DNMT1: variants seen among roughly 807,000 people sequenced by gnomAD.
DNMT1 encodes DNA (cytosine-5)-methyltransferase 1.
DNMT1 carries 24 observed loss-of-function variants against 205.3 expected under a neutral mutation model. That is an observed-to-expected ratio of 0.12 (90% CI 0.08 to 0.16). The LOEUF (loss-of-function observed/expected upper bound fraction) is 0.16. Ranked by LOEUF, DNMT1 falls within the 10% of genes least tolerant of loss-of-function variation. The pLI is 1.00. For missense variants in DNMT1, 1,293 were observed against 2,177.7 expected, an observed-to-expected ratio of 0.59 and a Z score of 8.09; for synonymous variants, 817 against 839.8, an observed-to-expected ratio of 0.97 and a Z score of 0.47.
intron 29 of DNMT1, chr19:10,142,996 G>C (rs553455463): frequency 6.5e-6 from 1 of 153,564 alleles, no homozygotes; most frequent in Non-Finnish European, 1.4e-5. Flanking sequence ...AAGAGGTGAG[G>C]CAAGTGTATA....
intron 5 of DNMT1, among the ~76,000 whole-genome samples, chr19:10,178,841 A>T (rs940122619): frequency 6.6e-6 from 1 of 151,250 alleles, no homozygotes; most frequent in Non-Finnish European, 1.5e-5. Context: ...AAAATTCCAG[A>T]AGAGGCTGGG....
chr19:10,133,781 G>A lies in DNMT1; in HGVS notation c.4865-80C>T. 1.4e-6 allele frequency: 2 copies of A among 1,443,006 alleles called. No individual in the cohort carries two copies. The highest frequency in any genetic ancestry group is 1.9e-6 in the Non-Finnish European group (2 of 1,047,852). The allele number at this position is 1,443,006 out of a possible 1,614,324, so 89.4% of individuals were successfully genotyped here. On this transcript the variant is annotated intron_variant, in intron 40 of 40. Transcript: ENST00000359526. This position sits in a 1 kb window ranked among gnomAD's most constrained non-coding sequence, Gnocchi z 4.1. Reference sequence around the variant, plus strand: ...ACTTGACAGGCGAGTAACAGACATGGACCATCAGGAAACATTAACGTACTG... The same window carrying A: ...ACTTGACAGGCGAGTAACAGACATGAACCATCAGGAAACATTAACGTACTG...
chr19:10,177,602 A>T (rs1280769111), intron 5 of DNMT1, among the ~76,000 whole-genome samples: 1 of 152,156 alleles, frequency 6.6e-6, no homozygotes, highest in Non-Finnish European at 1.5e-5. Context: ...AATGCTAAAG[A>T]AGGCCAGGAA....
Position 10,137,333 on chromosome 19 carries a change from A to G in DNMT1, c.4294-53T>C. Reference sequence around the variant, plus strand: ...CACCTCATGTGAGCAGCATCCGAGCATCCATGGTGGGCTGGGAGCTGGGAA... The same window carrying G: ...CACCTCATGTGAGCAGCATCCGAGCGTCCATGGTGGGCTGGGAGCTGGGAA... On this transcript the variant is annotated intron_variant, in intron 36 of 40. Coordinates refer to ENST00000359526, the MANE Select transcript of DNMT1 (RefSeq NM_001130823.3). The surrounding 1 kb of genome is among the most constrained non-coding windows in gnomAD (Gnocchi z 6.4). The G allele has an allele frequency of 6.4e-7, 1 of 1,555,724 alleles. No homozygotes were observed. Among genetic ancestry groups the G allele is most frequent in the Non-Finnish European group, 8.7e-7 (1 of 1,151,360 alleles).
chr19:10,167,239 A>C, intron 10 of DNMT1, among the ~76,000 whole-genome samples: 1 of 149,156 alleles, frequency 6.7e-6, no homozygotes. Flanking sequence ...TCTATCACCT[A>C]CCCTGGAGTG....
At chr19:10,147,560 G>A (rs565667725) in intron 27 of DNMT1, among the ~76,000 whole-genome samples, 243 of 152,070 alleles carry the variant, frequency 1.6e-3, no homozygotes, top group Non-Finnish European at 2.8e-3. Flanking sequence ...GCAGTGAGCC[G>A]AGATCGTGCC....
chr19:10,148,839 G>A (rs775402056), intron 27 of DNMT1, 45 bp downstream of exon 27: 2 of 1,613,656 alleles, frequency 1.2e-6, no homozygotes, highest in Non-Finnish European at 1.7e-6. Flanking sequence ...GGAGTGATGT[G>A]GGCTGAAAGT....
chr19:10,159,539 A>G lies in DNMT1; in HGVS notation c.1280+119T>C. 1 of 1,041,464 alleles carries G rather than the reference A, an allele frequency of 9.6e-7. No homozygotes were observed. The highest frequency in any genetic ancestry group is 1.5e-6 in the Non-Finnish European group (1 of 689,610). 64.5% of individuals were successfully genotyped at this position (1,041,464 alleles called of 1,614,324 possible). On this transcript the variant is annotated intron_variant, in intron 17 of 40. Transcript: ENST00000359526. This position sits in a 1 kb window ranked among gnomAD's most constrained non-coding sequence, Gnocchi z 5.0. ...CGGTGGCTCTTATCCACGAAGTGTT[A>G]GCTTAAGACATGTTGCAGGTCAGGC... is the stretch of plus-strand genomic sequence containing the variant.
At chr19:10,147,468 G>A (rs560669662) in intron 27 of DNMT1, among the ~76,000 whole-genome samples, 100 of 151,514 alleles carry the variant, frequency 6.6e-4, no homozygotes, top group African/African-American at 2.3e-3. Context: ...AAAATTAGCC[G>A]GGCATGGTGG....
chr19:10,156,340 C>G lies in DNMT1; in HGVS notation c.1399+51G>C, dbSNP rs1448679980. 1 of 1,444,408 alleles carries G rather than the reference C, an allele frequency of 6.9e-7. No individual in the cohort carries two copies. The highest frequency in any genetic ancestry group is 1.7e-5 in the Admixed American group (1 of 59,528). The allele number at this position is 1,444,408 out of a possible 1,614,324, so 89.5% of individuals were successfully genotyped here. A position where few individuals can be genotyped will look rare whatever the true frequency, so the allele number is the denominator to read the frequency against. ...AGGATTACAGATGTGAGCCACCCTG[C>G]CTGGCTGTTTTTAAAGTGTGCCCCA... On this transcript the variant is annotated intron_variant, in intron 18 of 40. Coordinates refer to ENST00000359526, the MANE Select transcript of DNMT1 (RefSeq NM_001130823.3). The surrounding 1 kb of genome is among the most constrained non-coding windows in gnomAD (Gnocchi z 4.2).
chr19:10,154,462 C>T lies in DNMT1; in HGVS notation c.1850G>A (p.Arg617Gln), dbSNP rs751902349. 1.8e-5 allele frequency: 29 copies of T among 1,614,084 alleles called. No homozygotes were observed. Among genetic ancestry groups the T allele is most frequent in the East Asian group, 4.5e-5 (2 of 44,896 alleles). The change falls in exon 22 of 41, where the codon CGG becomes CAG. Residue 617 changes from arginine to glutamine, a missense_variant. By Grantham distance (43) the Arg-to-Gln change is conservative. Around this residue, in one of 13 missense-constraint regions of DNMT1, gnomAD observed 197 missense variants for 353.6 expected, o/e 0.56. Coordinates refer to ENST00000359526, the MANE Select transcript of DNMT1 (RefSeq NM_001130823.3). This position sits in a 1 kb window ranked among gnomAD's most constrained non-coding sequence, Gnocchi z 6.3. The part of the protein sequence containing the change: ...TLGQRRAQAR[R>Q]QTIRHSTREK... ...CCTGGTAGAATGCCTGATGGTCTGC[C>T]GCCTCGCCTGGGCTCGCCTACGGGA... is the stretch of plus-strand genomic sequence containing the variant.
In DNMT1 at chr19:10,163,354, T is replaced by C. The variant is rs759143980; in HGVS notation, c.898A>G (p.Lys300Glu). The C allele has an allele frequency of 2.5e-6, 4 of 1,613,952 alleles. No individual in the cohort carries two copies. The highest frequency in any genetic ancestry group is 3.4e-6 in the Non-Finnish European group (4 of 1,179,954). The change falls in exon 12 of 41, where the codon AAG (lysine) becomes GAG (glutamate). Residue 300 changes from lysine (K) to glutamate (E), a missense_variant. Around this residue, in one of 13 missense-constraint regions of DNMT1, gnomAD observed 394 missense variants for 451.6 expected, o/e 0.87. Transcript: ENST00000359526. ...TCTTTGGGTTGACTTCTGTGCTTCTTCTCATCCTGACAGAAAAATAAGGGG... is the reference window on the plus strand; with the variant it reads ...TCTTTGGGTTGACTTCTGTGCTTCTCCTCATCCTGACAGAAAAATAAGGGG... ...EDEDGDEKDE[K>E]KHRSQPKDLA... is the part of the protein sequence containing the mutation.
intron 27 of DNMT1, among the ~76,000 whole-genome samples, chr19:10,148,075 C>T (rs1337822974): frequency 1.5e-5 from 2 of 136,768 alleles, no homozygotes; most frequent in African/African-American, 2.8e-5. Context: ...AAGATTGAGC[C>T]ACTGCACTCC....
rs189326320 is a variant in DNMT1, at chr19:10,189,205, C to T, written c.80+5615G>A. ...CATGATCTCGGCTCACTGCAACCTCCGCCTCCCAAGTTCAAGCAATTTTCC... is the reference window on the plus strand; with the variant it reads ...CATGATCTCGGCTCACTGCAACCTCTGCCTCCCAAGTTCAAGCAATTTTCC... On this transcript the variant is annotated intron_variant, in intron 1 of 40. Transcript: ENST00000359526. Among the ~76,000 whole-genome samples the T allele has an allele frequency of 1.7e-3, 262 of 151,666 alleles. 2 individuals carry two copies. The highest frequency in any genetic ancestry group is 6.1e-3 in the African/African-American group (251 of 41,352).
At chr19:10,185,010 C>A (rs888711161) in intron 1 of DNMT1, among the ~76,000 whole-genome samples, 8 of 152,230 alleles carry the variant, frequency 5.3e-5, no homozygotes, top group African/African-American at 1.2e-4. Flanking sequence ...TGATTCCCCA[C>A]CAGCGCCGCT....
intron 1 of DNMT1, among the ~76,000 whole-genome samples, chr19:10,187,738 T>C (rs1298715116): frequency 6.7e-6 from 1 of 148,676 alleles, no homozygotes; most frequent in East Asian, 2.0e-4. Context: ...TGTGGTGGCA[T>C]GCACCTATAG....
intron 1 of DNMT1, among the ~76,000 whole-genome samples, chr19:10,183,553 T>A (rs1382225505): frequency 6.6e-6 from 1 of 152,108 alleles, no homozygotes; most frequent in Non-Finnish European, 1.5e-5. Flanking sequence ...ACTCCATCTC[T>A]ACAAAAATAC....
Position 10,151,478 on chromosome 19 carries a change from G to A in DNMT1, c.2185C>T (p.Pro729Ser), listed in dbSNP as rs1243261929. The A allele has an allele frequency of 6.2e-7, 1 of 1,614,036 alleles. No homozygotes were observed. The highest frequency in any genetic ancestry group is 2.2e-5 in the East Asian group (1 of 44,878). Residue 729 changes from proline to serine, a missense_variant, in exon 24 of 41, where the codon CCG becomes TCG. By Grantham distance (74) the Pro-to-Ser change is moderately conservative (BLOSUM62 -1). This residue lies in a region of DNMT1 where 197 missense variants were observed against 353.6 expected (regional missense o/e 0.56). Coordinates refer to ENST00000359526, the MANE Select transcript of DNMT1 (RefSeq NM_001130823.3). This position sits in a 1 kb window ranked among gnomAD's most constrained non-coding sequence, Gnocchi z 5.0. ...CCCTGGTGCATTTTTTTGGGTGACG[G>A]CATCTCTGGGATGTTATCATCGACT... Reference protein sequence around the residue: ...EEVDDNIPEMPSPKKMHQGKK... With the variant: ...EEVDDNIPEMSSPKKMHQGKK...
chr19:10,134,068 C>G, intron 40 of DNMT1, 149 bp downstream of exon 40: 1 of 780,514 alleles, frequency 1.3e-6, no homozygotes, highest in Non-Finnish European at 2.2e-6. Context: ...TCAATCCTCA[C>G]AGCAGCCCCT....
Sources: allele counts gnomAD v4.1 joint callset (sites outside exome capture counted in the v4.1 genomes callset), GRCh38; gene constraint gnomAD v4.1.1; regional missense constraint gnomAD v4.1.1; non-coding constraint Gnocchi (gnomAD v3.1); transcripts MANE v1.5; gene names NCBI Gene and HGNC (gene_info 2026-07-23, HGNC 2026-07-21).